Variants in EXPH5 observed in about 807,000 individuals in gnomAD.
The protein encoded by EXPH5 is exophilin-5.
Under a neutral mutation model 41.1 loss-of-function variants are expected in EXPH5, and 42 were observed. The observed-to-expected ratio is 1.02, with a 90% CI of 0.80 to 1.32. The LOEUF (loss-of-function observed/expected upper bound fraction) is 1.32, where lower values mean the gene tolerates loss of function less well. Among genes scored for constraint, EXPH5 ranks in the 40% most tolerant of loss-of-function variants. The pLI, the probability that EXPH5 is intolerant of heterozygous loss-of-function variation, is 0.00. For synonymous variants in EXPH5, 798 were observed against 833.5 expected, an observed-to-expected ratio of 0.96 and a Z score of 0.73; for missense variants, 2,298 against 2,314.5, an observed-to-expected ratio of 0.99 and a Z score of 0.15.
chr11:108,543,534 A>G (rs910767762), intron 1 of EXPH5, among the ~76,000 whole-genome samples: 2 of 152,208 alleles, frequency 1.3e-5, no homozygotes, highest in African/African-American at 4.8e-5. Context: ...TTGGAAAAGT[A>G]TTCCGTGTGG....
intron 1 of EXPH5, among the ~76,000 whole-genome samples, chr11:108,564,060 A>T (rs2094024200): frequency 6.6e-6 from 1 of 152,128 alleles, no homozygotes; most frequent in Admixed American, 6.5e-5. Flanking sequence ...CGGACGGATC[A>T]CTTGAGGTCA....
In EXPH5 at chr11:108,511,749, T is replaced by A; in HGVS notation, c.3758A>T (p.Tyr1253Phe). 2.5e-6 allele frequency: 4 copies of A among 1,612,274 alleles called. No individual in the cohort carries two copies. The South Asian group carries it at 4.4e-5, about 18-fold the overall frequency. Residue 1253 changes from tyrosine to phenylalanine, a missense_variant, in exon 6 of 6, where the codon TAT becomes TTT. Transcript: ENST00000265843. Reference sequence around the variant, plus strand: ...GCTGGGTTTCCTCGGTAGAGTGTAATATATTGAGACCACCTCCAGACATTT... The same window carrying A: ...GCTGGGTTTCCTCGGTAGAGTGTAAAATATTGAGACCACCTCCAGACATTT... Reference protein sequence around the residue: ...NVKCLEVVSIYYTLPRKPSKK... With the variant: ...NVKCLEVVSIFYTLPRKPSKK...
At position 108,510,827 on chromosome 11, in the gene EXPH5, C is replaced by T. The variant is rs778949566; in HGVS notation, c.4680G>A (p.Gln1560=). 80 of 1,614,044 alleles carry T rather than the reference C, an allele frequency of 5.0e-5. No individual in the cohort carries two copies. The East Asian group carries it at 1.4e-3, about 28-fold the overall frequency. The change falls in exon 6 of 6, where the codon CAG becomes CAA. Residue 1560 remains glutamine (Q), a synonymous_variant. Transcript: ENST00000265843. ...GTGAAGGTTGATCCCAAGCTGACTT[C>T]TGCATTTCATCTTCAGCCTTCCTGC... is the stretch of plus-strand genomic sequence containing the variant. ...TESRKAEDEM[Q]KSAWDQPSLP...
At chr11:108,545,298 T>C (rs113043089) in intron 1 of EXPH5, among the ~76,000 whole-genome samples, 3,599 of 152,192 alleles carry the variant, frequency 0.024, 148 homozygotes, top group African/African-American at 0.08. Context: ...CCTGTGGTCC[T>C]AGCTACGTGG....
upstream of EXPH5, among the ~76,000 whole-genome samples, chr11:108,597,872 C>A (rs1051544525): frequency 6.6e-6 from 1 of 152,140 alleles, no homozygotes; most frequent in Non-Finnish European, 1.5e-5. Flanking sequence ...AGAAGGAGTA[C>A]GAATTAGTGG....
At chr11:108,563,929 A>G in intron 1 of EXPH5, among the ~76,000 whole-genome samples, 1 of 152,130 alleles carries the variant, frequency 6.6e-6, no homozygotes. Context: ...TTGTGTCTTA[A>G]AGTGACCAGA....
intron 1 of EXPH5, among the ~76,000 whole-genome samples, chr11:108,577,461 T>C (rs1310542561): frequency 6.6e-6 from 1 of 152,132 alleles, no homozygotes; most frequent in Non-Finnish European, 1.5e-5. Flanking sequence ...TTTACTCTTG[T>C]TGCCCAGGCT....
chr11:108,511,843 G>A lies in EXPH5; in HGVS notation c.3664C>T (p.Arg1222Cys), dbSNP rs755842921. The stretch of plus-strand genomic sequence containing the variant: ...TTAACTTTATGTAATGTTTTCCCAC[G>A]TTCTTTTCCTGACAAGTCTGAGCAA... ...PFCSDLSGKE[R>C]GKTLHKVKTT... is the part of the protein sequence containing the mutation. The change falls in exon 6 of 6, where the codon CGT becomes TGT. Residue 1222 changes from arginine (R) to cysteine (C), a missense_variant. Transcript: ENST00000265843. 14 of 1,591,754 alleles carry A rather than the reference G, an allele frequency of 8.8e-6. No homozygotes were observed. The highest frequency in any genetic ancestry group is 1.4e-5 in the African/African-American group (1 of 73,430).
chr11:108,603,831 C>T, the EXPH5 span, among the ~76,000 whole-genome samples: 1 of 152,138 alleles, frequency 6.6e-6, no homozygotes, highest in South Asian at 2.1e-4. Flanking sequence ...CTAATAACTA[C>T]CTAACAATGA....
At chr11:108,593,240 C>T (rs542937104) in intron 1 of EXPH5, among the ~76,000 whole-genome samples, 178 bp downstream of exon 1, 1 of 148,496 alleles carries the variant, frequency 6.7e-6, no homozygotes, top group South Asian at 2.3e-4. Flanking sequence ...AACTAAGCAT[C>T]CCAAAGTCCT....
chr11:108,541,772 C>G lies in EXPH5; in HGVS notation c.160G>C (p.Gly54Arg), dbSNP rs149269295. 127 of 1,611,332 alleles carry G rather than the reference C, an allele frequency of 7.9e-5. No homozygotes were observed. Among genetic ancestry groups the G allele is most frequent in the Non-Finnish European group, 1.0e-4 (122 of 1,179,126 alleles). Residue 54 changes from glycine (G) to arginine (R), a missense_variant, in exon 2 of 6, where the codon GGA becomes CGA. Physicochemically the swap from Gly to Arg is moderately radical, Grantham distance 125. Coordinates refer to ENST00000265843, the MANE Select transcript of EXPH5 (RefSeq NM_015065.3). The stretch of plus-strand genomic sequence containing the variant: ...TCTTCAAACCATTCACCAGTCACTC[C>G]CTGAAGCCATCTGATATCCCTCTTT... The part of the protein sequence containing the change: ...KTKRDIRWLQ[G>R]VTGEWFEEIQ...
chr11:108,556,730 C>T (rs1277782927), intron 1 of EXPH5, among the ~76,000 whole-genome samples: 1 of 152,202 alleles, frequency 6.6e-6, no homozygotes, highest in Non-Finnish European at 1.5e-5. Flanking sequence ...CTGCCTTGGC[C>T]TCCCAAAGTG....
intron 3 of EXPH5, among the ~76,000 whole-genome samples, chr11:108,532,354 ATATATATATATATTTTTTTTT>A (rs1203340526): frequency 8.7e-5 from 2 of 23,004 alleles, no homozygotes; most frequent in Non-Finnish European, 1.6e-4. Context: ...ATATATATAT[ATATATATATATATTTTTTTTT>A]TTTTTTTTTT....
chr11:108,520,301 A>G (rs2093756982), intron 4 of EXPH5, among the ~76,000 whole-genome samples: 1 of 152,028 alleles, frequency 6.6e-6, no homozygotes, highest in Admixed American at 6.6e-5. Context: ...CAAACCATCC[A>G]CCACCACTTT....
chr11:108,541,882 T>G, intron 1 of EXPH5, 70 bp from the exon 2 acceptor site: 1 of 1,324,980 alleles, frequency 7.5e-7, no homozygotes, highest in East Asian at 2.4e-5. Flanking sequence ...CTTAAATCAA[T>G]GTACTTTTTT....
chr11:108,569,271 C>T lies in EXPH5; in HGVS notation c.119+24147G>A, dbSNP rs367555274. Among the ~76,000 whole-genome samples the T allele has an allele frequency of 2.4e-4, 36 of 151,794 alleles. No homozygotes were observed. The East Asian group carries it at 2.7e-3, about 11-fold the overall frequency. Reference sequence around the variant, plus strand: ...TTCCCATGAAGTTAAATTACCTCTGCGGCCCTCTGTGTGACTATCTTATCA... The same window carrying T: ...TTCCCATGAAGTTAAATTACCTCTGTGGCCCTCTGTGTGACTATCTTATCA... On this transcript the variant is annotated intron_variant, in intron 1 of 5. Coordinates refer to ENST00000265843, the MANE Select transcript of EXPH5 (RefSeq NM_015065.3).
intron 1 of EXPH5, among the ~76,000 whole-genome samples, chr11:108,554,500 C>G (rs1246408343): frequency 6.6e-6 from 1 of 152,022 alleles, no homozygotes; most frequent in Non-Finnish European, 1.5e-5. Flanking sequence ...GTTCCTGGAA[C>G]AAATGAAACA....
rs1002100480 is a variant in EXPH5, at chr11:108,514,765, T to C, written c.742A>G (p.Ser248Gly). The change falls in exon 6 of 6, where the codon AGT becomes GGT. Residue 248 changes from serine (S) to glycine (G), a missense_variant. Ser to Gly is a moderately conservative substitution (Grantham distance 56). Transcript: ENST00000265843. ...SRTQFGHFYS[S>G]GNRHGNITER... ...GTGATATTACCATGTCTGTTACCAC[T>C]GGAATAAAAGTGACCGAACTGTGTT... 1.9e-6 allele frequency: 3 copies of C among 1,611,378 alleles called. No individual in the cohort carries two copies. Among genetic ancestry groups the C allele is most frequent in the Non-Finnish European group, 2.5e-6 (3 of 1,179,144 alleles).
At position 108,511,509 on chromosome 11, in the gene EXPH5, C is replaced by A. The variant is rs370428228; in HGVS notation, c.3998G>T (p.Arg1333Leu). Residue 1333 changes from arginine (R) to leucine (L), a missense_variant, in exon 6 of 6, where the codon CGA becomes CTA. Physicochemically the swap from Arg to Leu is moderately radical, Grantham distance 102. Transcript: ENST00000265843. ...AGCTAGGGGCCCCCTATTTGATAATCGGAAGGCAGTCATATTTTCAGTGGT... is the reference window on the plus strand; with the variant it reads ...AGCTAGGGGCCCCCTATTTGATAATAGGAAGGCAGTCATATTTTCAGTGGT... Reference protein sequence around the residue: ...TLTTENMTAFRLSNRGPLAPT... With the variant: ...TLTTENMTAFLLSNRGPLAPT... 6.3e-7 allele frequency: 1 copy of A among 1,595,438 alleles called. No homozygotes were observed. Among genetic ancestry groups the A allele is most frequent in the Non-Finnish European group, 8.5e-7 (1 of 1,173,902 alleles).
Sources: gnomAD v4.1 joint callset for allele counts (sites outside exome capture counted in the v4.1 genomes callset) on GRCh38, gnomAD v4.1.1 for gene constraint, MANE v1.5 for transcripts, NCBI Gene and HGNC (gene_info 2026-07-23, HGNC 2026-07-21) for gene names.